RGS7: variants seen among roughly 807,000 people sequenced by gnomAD.
The protein encoded by RGS7 is regulator of G protein signaling 7, also known as regulator of G-protein signaling 7.
RGS7 carries 27 observed loss-of-function variants against 81.1 expected under a neutral mutation model. The ratio of observed to expected loss-of-function variants is 0.33; its 90% confidence interval spans 0.25 to 0.46. The LOEUF (loss-of-function observed/expected upper bound fraction) is 0.46, where lower values mean the gene tolerates loss of function less well. RGS7 is among the 20% of genes least tolerant of loss of function. The pLI is 1.00. For missense variants in RGS7, 396 were observed against 607.4 expected (o/e 0.65, Z 3.66); for synonymous variants, 208 against 207.7 (o/e 1.00, Z -0.01).
intron 5 of RGS7, among the ~76,000 whole-genome samples, chr1:240,931,510 T>C (rs1344633214): frequency 6.6e-6 from 1 of 152,102 alleles, no homozygotes; most frequent in African/African-American, 2.4e-5. Flanking sequence ...TGACTCCACA[T>C]TGCATCCTTG....
intron 3 of RGS7, among the ~76,000 whole-genome samples, chr1:241,006,007 C>T (rs1009406906): frequency 3.3e-5 from 5 of 152,096 alleles, no homozygotes; most frequent in Non-Finnish European, 5.9e-5. Flanking sequence ...TATGAACATT[C>T]TTGCACAGAG....
At chr1:241,145,905 T>A (rs55803913) in intron 2 of RGS7, among the ~76,000 whole-genome samples, 5 of 152,132 alleles carry the variant, frequency 3.3e-5, no homozygotes, top group Non-Finnish European at 7.3e-5. Flanking sequence ...TTTCCCAAGA[T>A]GCTTTTTCCA....
intron 2 of RGS7, among the ~76,000 whole-genome samples, chr1:241,178,385 T>A (rs184705906): frequency 6.6e-6 from 1 of 152,140 alleles, no homozygotes; most frequent in Admixed American, 6.5e-5. Flanking sequence ...AATTTGGGAA[T>A]CGTAAAAATT....
At chr1:240,935,231 G>T (rs1419179963) in intron 5 of RGS7, among the ~76,000 whole-genome samples, 3 of 152,016 alleles carry the variant, frequency 2.0e-5, no homozygotes, top group African/African-American at 7.2e-5. Flanking sequence ...GCATGACTAA[G>T]ACATGTAAAC....
intron 2 of RGS7, among the ~76,000 whole-genome samples, chr1:241,288,246 T>C (rs1427684186): frequency 6.6e-6 from 1 of 152,190 alleles, no homozygotes; most frequent in East Asian, 1.9e-4. Context: ...AGTGTCTCTA[T>C]TTTACACACG....
At chr1:241,265,356 C>T (rs147290611) in intron 2 of RGS7, among the ~76,000 whole-genome samples, 243 of 152,310 alleles carry the variant, frequency 1.6e-3, no homozygotes, top group Middle Eastern at 0.014. Context: ...ACTTGACACA[C>T]GCAGTTGATT....
At chr1:240,985,323 C>G (rs909018817) in intron 3 of RGS7, among the ~76,000 whole-genome samples, 1 of 152,210 alleles carries the variant, frequency 6.6e-6, no homozygotes. Context: ...CTTTTGAAGA[C>G]AGCCAAACAT....
intron 6 of RGS7, among the ~76,000 whole-genome samples, chr1:240,917,515 A>G (rs1672798513): frequency 6.6e-6 from 1 of 152,188 alleles, no homozygotes; most frequent in Non-Finnish European, 1.5e-5. Context: ...GGATAGTTGC[A>G]TTACATGTTA....
chr1:240,793,003 C>T (rs1470232796), intron 18 of RGS7, among the ~76,000 whole-genome samples: 1 of 152,082 alleles, frequency 6.6e-6, no homozygotes, highest in Admixed American at 6.6e-5. Context: ...TGGCTGAAGC[C>T]TCATAGCTAC....
rs143209197 is a variant in RGS7 at position 240,819,646 on chromosome 1, G to C, written c.685-3231C>G. Among the ~76,000 whole-genome samples, 41 of 152,298 alleles carry C rather than the reference G, an allele frequency of 2.7e-4. No homozygotes were observed. In the East Asian group the frequency reaches 7.9e-3, roughly 29 times the overall value. On this transcript the variant is annotated intron_variant, in intron 10 of 18. Coordinates refer to ENST00000440928, the MANE Select transcript of RGS7 (RefSeq NM_001364886.1). ...CCAGCTACTTGGGAGGCTGAGGCAG[G>C]AGAATCACGTGGACCCAGGAGGCAG...
intron 2 of RGS7, among the ~76,000 whole-genome samples, chr1:241,320,686 A>T (rs2081156535): frequency 6.6e-6 from 1 of 152,248 alleles, no homozygotes. Context: ...AGGCACTAGA[A>T]CATGGAAAGG....
chr1:241,233,325 TTA>T (rs1408784662), intron 2 of RGS7, among the ~76,000 whole-genome samples: 2 of 152,136 alleles, frequency 1.3e-5, no homozygotes, highest in Non-Finnish European at 2.9e-5. Flanking sequence ...ACACCAGGTG[TTA>T]TGTCTTCTTT....
chr1:240,868,530 C>T lies in RGS7; in HGVS notation c.609+57G>A. ...TTTCACTTACTTTGGCAGGGCACCC[C>T]TCACTTCCCACAGACGGAGAAGATG... On this transcript the variant is annotated intron_variant, in intron 9 of 18. Transcript: ENST00000440928. This position sits in a 1 kb window ranked among gnomAD's most constrained non-coding sequence, Gnocchi z 5.1. The T allele has an allele frequency of 2.0e-6, 3 of 1,514,480 alleles. No homozygotes were observed. The highest frequency in any genetic ancestry group is 1.4e-5 in the African/African-American group (1 of 73,084). The allele number at this position is 1,514,480 out of a possible 1,614,324, so 93.8% of individuals were successfully genotyped here. A position where few individuals can be genotyped will look rare whatever the true frequency, so the allele number is the denominator to read the frequency against.
At chr1:240,956,695 C>T (rs545429591) in intron 4 of RGS7, among the ~76,000 whole-genome samples, 1 of 152,216 alleles carries the variant, frequency 6.6e-6, no homozygotes, top group South Asian at 2.1e-4. Context: ...AGAAGCCACT[C>T]TAAAAAGCCT....
chr1:241,087,950 C>T (rs9428861), intron 3 of RGS7, among the ~76,000 whole-genome samples: 29,586 of 103,510 alleles, frequency 0.29, 3,742 homozygotes, highest in African/African-American at 0.46. Context: ...CTCCATCTCT[C>T]TCTCTCTCTC....
rs1042193052 is a variant in RGS7 at position 241,254,099 on chromosome 1, C to G, written c.78+101600G>C. 5.3e-5 allele frequency among the ~76,000 whole-genome samples: 8 copies of G among 150,530 alleles called. No individual in the cohort carries two copies. The Admixed American group carries it at 5.4e-4, about 10-fold the overall frequency. ...CCTGTAGTCCCAGCTACTGGGAAGA[C>G]TGAGGCAGGAGAATGGCACAAACCC... On this transcript the variant is annotated intron_variant, in intron 2 of 18. Transcript: ENST00000440928.
At chr1:241,109,277 C>T (rs1372585409) in intron 2 of RGS7, among the ~76,000 whole-genome samples, 2 of 152,118 alleles carry the variant, frequency 1.3e-5, no homozygotes, top group African/African-American at 4.8e-5. Context: ...CCATCTGTGC[C>T]TGTGGAAATT....
At chr1:240,806,671 C>T (rs1294319412) in intron 14 of RGS7, among the ~76,000 whole-genome samples, 2 of 151,878 alleles carry the variant, frequency 1.3e-5, no homozygotes, top group African/African-American at 4.8e-5. Flanking sequence ...ACTGATTTTA[C>T]CTAAGGAAAG....
intron 9 of RGS7, among the ~76,000 whole-genome samples, chr1:240,862,834 T>G (rs764779916): frequency 6.6e-5 from 10 of 152,132 alleles, no homozygotes; most frequent in Non-Finnish European, 1.0e-4. Context: ...TGCTTCATAG[T>G]TTTTCAATTA....
Sources: gnomAD v4.1 joint callset for allele counts (sites outside exome capture counted in the v4.1 genomes callset) on GRCh38, gnomAD v4.1.1 for gene constraint, Gnocchi (gnomAD v3.1) non-coding constraint, MANE v1.5 for transcripts, NCBI Gene and HGNC (gene_info 2026-07-23, HGNC 2026-07-21) for gene names.